The following MAGI2 variants were observed in gnomAD, a reference collection of about 807,000 sequenced individuals.
MAGI2 encodes the protein membrane associated guanylate kinase, WW and PDZ domain containing 2.
A neutral mutation model predicts 133.3 loss-of-function variants in MAGI2; 35 were observed. The observed-to-expected ratio is 0.26, with a 90% CI of 0.20 to 0.35. The LOEUF is 0.35. Among genes scored for constraint, MAGI2 ranks in the 10% least tolerant of loss-of-function variants. The pLI is 1.00. For synonymous variants in MAGI2, 729 were observed against 710.6 expected, an observed-to-expected ratio of 1.03 and a Z score of -0.41; for missense variants, 1,636 against 1,863.4, an observed-to-expected ratio of 0.88 and a Z score of 2.25.
intron 21 of MAGI2, among the ~76,000 whole-genome samples, chr7:78,067,314 A>C (rs1434691300): frequency 2.0e-5 from 3 of 152,204 alleles, no homozygotes; most frequent in Non-Finnish European, 2.9e-5. Context: ...CATGCCCAGA[A>C]GGTCAAATAA....
intron 2 of MAGI2, among the ~76,000 whole-genome samples, chr7:78,867,499 C>T (rs907096365): frequency 6.4e-4 from 93 of 146,004 alleles, no homozygotes; most frequent in Non-Finnish European, 3.7e-4. Flanking sequence ...AATGAGAACA[C>T]ATGGACACAG....
chr7:78,073,167 A>G (rs920570882), intron 21 of MAGI2, among the ~76,000 whole-genome samples: 2 of 152,270 alleles, frequency 1.3e-5, no homozygotes, highest in South Asian at 4.1e-4. Context: ...TGTTTCTCCA[A>G]TTAGTGCAGT....
chr7:78,053,520 TC>T (rs1051980380), intron 21 of MAGI2, among the ~76,000 whole-genome samples: 1 of 152,208 alleles, frequency 6.6e-6, no homozygotes, highest in Non-Finnish European at 1.5e-5. Context: ...TATTTGAAGG[TC>T]AAAAAGTGAG....
chr7:79,084,903 T>C (rs1329002619), intron 1 of MAGI2, among the ~76,000 whole-genome samples: 1 of 151,872 alleles, frequency 6.6e-6, no homozygotes, highest in Non-Finnish European at 1.5e-5. Flanking sequence ...TCATTACCTC[T>C]TGAGCTTCAT....
intron 2 of MAGI2, among the ~76,000 whole-genome samples, chr7:78,724,580 T>G (rs1264220943): frequency 1.3e-5 from 2 of 152,176 alleles, no homozygotes; most frequent in Non-Finnish European, 2.9e-5. Context: ...GAGTTCTCTA[T>G]TCTGGCCCTT....
At chr7:78,368,168 C>G (rs1793572542) in intron 7 of MAGI2, among the ~76,000 whole-genome samples, 1 of 152,304 alleles carries the variant, frequency 6.6e-6, no homozygotes, top group South Asian at 2.1e-4. Flanking sequence ...AGAGAGCACA[C>G]AGATTTTACT....
At chr7:78,175,145 G>A (rs1362140719) in intron 14 of MAGI2, among the ~76,000 whole-genome samples, 2 of 152,168 alleles carry the variant, frequency 1.3e-5, no homozygotes, top group African/African-American at 4.8e-5. Flanking sequence ...GGAAAGCTGT[G>A]AGCACAGGAC....
intron 2 of MAGI2, among the ~76,000 whole-genome samples, chr7:78,736,210 C>G (rs956482368): frequency 2.0e-5 from 3 of 152,088 alleles, no homozygotes; most frequent in Middle Eastern, 3.2e-3. Flanking sequence ...TGAAATTCTT[C>G]CAAAGTGAGA....
At chr7:79,395,860 G>A (rs1019582350) in intron 1 of MAGI2, among the ~76,000 whole-genome samples, 7 of 152,130 alleles carry the variant, frequency 4.6e-5, no homozygotes, top group Admixed American at 1.3e-4. Context: ...AATGTAAGGA[G>A]AATGCTGGAT....
intron 2 of MAGI2, among the ~76,000 whole-genome samples, chr7:78,995,025 A>C (rs1806149241): frequency 6.6e-6 from 1 of 152,124 alleles, no homozygotes; most frequent in South Asian, 2.1e-4. Context: ...CTGACATCAA[A>C]ATGTTTGTGC....
At chr7:78,883,878 G>A (rs550604197) in intron 2 of MAGI2, among the ~76,000 whole-genome samples, 3 of 152,166 alleles carry the variant, frequency 2.0e-5, no homozygotes, top group Non-Finnish European at 4.4e-5. Flanking sequence ...AGATTTAAAT[G>A]TAAGGCTTAA....
intron 9 of MAGI2, among the ~76,000 whole-genome samples, chr7:78,313,194 G>T (rs6955653): frequency 2.6e-5 from 4 of 151,958 alleles, no homozygotes; most frequent in Admixed American, 2.0e-4. Flanking sequence ...GACTCAGAAA[G>T]GTGGGAGCAT....
intron 1 of MAGI2, among the ~76,000 whole-genome samples, chr7:79,100,391 C>CAT (rs894343222): frequency 2.6e-5 from 4 of 151,824 alleles, no homozygotes; most frequent in Admixed American, 6.6e-5. Context: ...AAAAAATAGA[C>CAT]ATATATATAT....
chr7:78,740,170 A>AC (rs1822275421), intron 2 of MAGI2, among the ~76,000 whole-genome samples: 1 of 151,742 alleles, frequency 6.6e-6, no homozygotes. Context: ...AAAAAAAAAA[A>AC]AACAAAAAAC....
intron 1 of MAGI2, among the ~76,000 whole-genome samples, chr7:79,062,655 T>C (rs1352574633): frequency 1.3e-5 from 2 of 152,098 alleles, no homozygotes; most frequent in African/African-American, 4.8e-5. Flanking sequence ...GAGAAAAATA[T>C]ATATTTTCAT....
intron 2 of MAGI2, among the ~76,000 whole-genome samples, chr7:78,668,138 G>A (rs1187501734): frequency 6.6e-6 from 1 of 152,174 alleles, no homozygotes; most frequent in East Asian, 1.9e-4. Context: ...TTTCTTTGAT[G>A]GCCAGTGATG....
intron 10 of MAGI2, among the ~76,000 whole-genome samples, chr7:78,251,028 T>A (rs925321255): frequency 2.6e-5 from 4 of 152,110 alleles, no homozygotes; most frequent in Admixed American, 2.6e-4. Flanking sequence ...CAAAAAGAGT[T>A]ATATACCATG....
At chr7:78,596,933 G>A (rs781338360) in intron 3 of MAGI2, among the ~76,000 whole-genome samples, 23 of 152,136 alleles carry the variant, frequency 1.5e-4, no homozygotes, top group Non-Finnish European at 2.2e-4. Context: ...GGAGTTGTAC[G>A]GAGCCTATTT....
intron 2 of MAGI2, among the ~76,000 whole-genome samples, chr7:78,757,242 C>A (rs1377029646): frequency 6.6e-6 from 1 of 152,036 alleles, no homozygotes; most frequent in Non-Finnish European, 1.5e-5. Flanking sequence ...GCATCTTATG[C>A]TCTAAGACCT....
Sources: allele counts gnomAD v4.1 joint callset (sites outside exome capture counted in the v4.1 genomes callset), GRCh38; gene constraint gnomAD v4.1.1; transcripts MANE v1.5; gene names NCBI Gene and HGNC (gene_info 2026-07-23, HGNC 2026-07-21).